Variants in KIF1A observed in about 807,000 individuals in gnomAD.
KIF1A encodes kinesin family member 1A.
A neutral mutation model predicts 227.3 loss-of-function variants in KIF1A; 46 were observed. That is an observed-to-expected ratio of 0.20 (90% CI 0.16 to 0.26). The LOEUF is 0.26. Among genes scored for constraint, KIF1A ranks in the 10% least tolerant of loss-of-function variants. KIF1A has a pLI of 1.00. For missense variants in KIF1A, 1,683 were observed against 2,485.9 expected (o/e 0.68, Z 6.87); for synonymous variants, 1,022 against 1,012.8 (o/e 1.01, Z -0.17).
At chr2:240,724,227 A>C in intron 40 of KIF1A, 191 bp from the exon 41 acceptor site, 1 of 627,710 alleles carries the variant, frequency 1.6e-6, no homozygotes. Flanking sequence ...CCCCAGAGAA[A>C]AGATGCATTG....
At chr2:240,771,194 G>A (rs2051923502) in intron 14 of KIF1A, 90 bp from the exon 15 acceptor site, 6 of 1,523,104 alleles carry the variant, frequency 3.9e-6, no homozygotes, top group Non-Finnish European at 5.4e-6. Context: ...GGGGAGGAGG[G>A]GTAGGGCGGG....
At chr2:240,762,269 C>T (rs2050624183) in intron 23 of KIF1A, among the ~76,000 whole-genome samples, 2 of 152,234 alleles carry the variant, frequency 1.3e-5, no homozygotes, top group Admixed American at 1.3e-4. Flanking sequence ...CCCCGGAGCA[C>T]ATGCTCACTG....
Position 240,793,421 on chromosome 2 carries a change from A to G in KIF1A, c.107-4109T>C, listed in dbSNP as rs1368360906. ...AGTCATGAGCACAGCCAGGCCCCTCACTCCAGGAACTCACTTCAGGGGCCG... is the reference window on the plus strand; with the variant it reads ...AGTCATGAGCACAGCCAGGCCCCTCGCTCCAGGAACTCACTTCAGGGGCCG... On this transcript the variant is annotated intron_variant, in intron 2 of 48. Transcript: ENST00000498729. The surrounding 1 kb of genome is among the most constrained non-coding windows in gnomAD (Gnocchi z 4.8). 1.3e-5 allele frequency among the ~76,000 whole-genome samples: 2 copies of G among 152,042 alleles called. No homozygotes were observed. Among genetic ancestry groups the G allele is most frequent in the African/African-American group, 4.8e-5 (2 of 41,402 alleles).
In KIF1A at chr2:240,745,578, G is replaced by A. The variant is rs1013883404; in HGVS notation, c.3375-61C>T. 3 of 1,513,794 alleles carry A rather than the reference G, an allele frequency of 2.0e-6. No individual in the cohort carries two copies. The African/African-American group carries it at 4.1e-5, about 21-fold the overall frequency. 93.8% of individuals were successfully genotyped at this position (1,513,794 alleles called of 1,614,324 possible). A position where few individuals can be genotyped will look rare whatever the true frequency, so the allele number is the denominator to read the frequency against. On this transcript the variant is annotated intron_variant, in intron 31 of 48. Coordinates refer to ENST00000498729, the MANE Select transcript of KIF1A (RefSeq NM_001244008.2). ...GGGACTTGGGATGAGACCTTACCAG[G>A]TGGAACCCACCTCACACGAGGGCGC...
At position 240,803,879 on chromosome 2, in the gene KIF1A, A is replaced by C. The variant is rs182976473; in HGVS notation, c.-60-6067T>G. Among the ~76,000 whole-genome samples the C allele has an allele frequency of 2.1e-3, 327 of 152,364 alleles. 1 individual carries two copies. Among genetic ancestry groups the C allele is most frequent in the African/African-American group, 7.1e-3 (294 of 41,586 alleles). On this transcript the variant is annotated intron_variant, in intron 1 of 48. Coordinates refer to ENST00000498729, the MANE Select transcript of KIF1A (RefSeq NM_001244008.2). ...AGAATCATTTTAAAAAATCATTACC[A>C]AACAGTTGAGGTAAAATAAATAGAA...
chr2:240,791,604 C>T (rs569592184), intron 2 of KIF1A, among the ~76,000 whole-genome samples: 38 of 152,124 alleles, frequency 2.5e-4, no homozygotes, highest in African/African-American at 8.9e-4. Flanking sequence ...CCCACTAGCC[C>T]TTGCTCCCTG....
Position 240,778,581 on chromosome 2 carries a change from G to A in KIF1A, c.883-2655C>T, listed in dbSNP as rs1324432404. ...GTCCCACGGGCCTCACAGCAGCCAC[G>A]CAGCTCCCGAAAACCCCTTCAGCTC... On this transcript the variant is annotated intron_variant, in intron 10 of 48. Coordinates refer to ENST00000498729, the MANE Select transcript of KIF1A (RefSeq NM_001244008.2). This position sits in a 1 kb window ranked among gnomAD's most constrained non-coding sequence, Gnocchi z 7.2. 2.1e-5 allele frequency among the ~76,000 whole-genome samples: 3 copies of A among 142,650 alleles called. No homozygotes were observed. The highest frequency in any genetic ancestry group is 5.5e-5 in the African/African-American group (2 of 36,284). 93.6% of individuals were successfully genotyped at this position (142,650 alleles called of 152,430 possible).
intron 13 of KIF1A, 50 bp downstream of exon 13, chr2:240,773,064 A>G: frequency 1.3e-6 from 2 of 1,542,850 alleles, no homozygotes; most frequent in Non-Finnish European, 1.8e-6. Context: ...GAGGCCCCTG[A>G]GCCTGAGGCC....
intron 1 of KIF1A, among the ~76,000 whole-genome samples, 178 bp downstream of exon 1, chr2:240,819,944 G>A (rs951570002): frequency 6.6e-6 from 1 of 152,128 alleles, no homozygotes; most frequent in Non-Finnish European, 1.5e-5. Flanking sequence ...GATGGAGGAA[G>A]GTCTGGAAGT....
At chr2:240,735,752 A>G (rs567239962) in intron 38 of KIF1A, among the ~76,000 whole-genome samples, 1 of 152,292 alleles carries the variant, frequency 6.6e-6, no homozygotes, top group South Asian at 2.1e-4. Context: ...CGGCAGGAGA[A>G]GCAAGGCACG....
chr2:240,736,957 G>T lies in KIF1A; in HGVS notation c.4007+106C>A. 4 of 914,450 alleles carry T rather than the reference G, an allele frequency of 4.4e-6. No homozygotes were observed. Among genetic ancestry groups the T allele is most frequent in the Non-Finnish European group, 7.1e-6 (4 of 559,502 alleles). 56.6% of individuals were successfully genotyped at this position (914,450 alleles called of 1,614,324 possible). A position where few individuals can be genotyped will look rare whatever the true frequency, so the allele number is the denominator to read the frequency against. ...TGCCAGGAGGGAGGGCCGGGAGAGC[G>T]TTGAGCGGGTCACCTTGTGTGGCTG... On this transcript the variant is annotated intron_variant, in intron 38 of 48. Coordinates refer to ENST00000498729, the MANE Select transcript of KIF1A (RefSeq NM_001244008.2). This position sits in a 1 kb window ranked among gnomAD's most constrained non-coding sequence, Gnocchi z 4.7.
intron 2 of KIF1A, among the ~76,000 whole-genome samples, chr2:240,796,839 G>A (rs2056451094): frequency 6.6e-6 from 1 of 152,178 alleles, no homozygotes; most frequent in Non-Finnish European, 1.5e-5. Flanking sequence ...CCCCTGAGCA[G>A]GCCTCGGAGA....
intron 1 of KIF1A, among the ~76,000 whole-genome samples, chr2:240,803,756 GA>G (rs1338637125): frequency 2.0e-5 from 3 of 152,172 alleles, no homozygotes; most frequent in East Asian, 1.9e-4. Flanking sequence ...TAAGAGAGTT[GA>G]AAAAAATTGG....
At chr2:240,811,314 G>C (rs2057845789) in intron 1 of KIF1A, among the ~76,000 whole-genome samples, 1 of 152,168 alleles carries the variant, frequency 6.6e-6, no homozygotes, top group African/African-American at 2.4e-5. Context: ...GCAGTGAGTA[G>C]AGATTGCGCC....
chr2:240,746,877 C>G (rs537062479), intron 29 of KIF1A, among the ~76,000 whole-genome samples: 39 of 152,266 alleles, frequency 2.6e-4, no homozygotes, highest in Non-Finnish European at 4.3e-4. Context: ...AGTGGGAACG[C>G]GCCGTACTGT....
At chr2:240,774,939 C>G (rs189218937) in intron 11 of KIF1A, among the ~76,000 whole-genome samples, 3 of 152,288 alleles carry the variant, frequency 2.0e-5, no homozygotes, top group Non-Finnish European at 4.4e-5. Flanking sequence ...CAGTGGGTCC[C>G]CATAGGGACT....
At chr2:240,787,432 C>G in intron 4 of KIF1A, 116 bp from the exon 5 acceptor site, 1 of 828,852 alleles carries the variant, frequency 1.2e-6, no homozygotes. Context: ...TCAGGCCCCT[C>G]TTGCACCCTC....
intron 34 of KIF1A, among the ~76,000 whole-genome samples, chr2:240,742,484 C>A (rs1018927702): frequency 6.6e-6 from 1 of 152,210 alleles, no homozygotes; most frequent in African/African-American, 2.4e-5. Context: ...CATGACCCAC[C>A]TGTTCCCACA....
At chr2:240,743,108 C>T in intron 33 of KIF1A, 124 bp from the exon 34 acceptor site, 1 of 719,568 alleles carries the variant, frequency 1.4e-6, no homozygotes, top group Non-Finnish European at 2.2e-6. Flanking sequence ...TTCTCCAAGA[C>T]CGTCCACCAG....
Sources: allele counts gnomAD v4.1 joint callset (sites outside exome capture counted in the v4.1 genomes callset), GRCh38; gene constraint gnomAD v4.1.1; non-coding constraint Gnocchi (gnomAD v3.1); transcripts MANE v1.5; gene names NCBI Gene and HGNC (gene_info 2026-07-23, HGNC 2026-07-21).